The following ATP1A1 variants were observed in gnomAD, a reference collection of about 807,000 sequenced individuals.
ATP1A1 encodes ATPase Na+/K+ transporting subunit alpha 1.
In ATP1A1, 14 loss-of-function variants were observed where a neutral mutation model predicts 114.8. That is an observed-to-expected ratio of 0.12 (90% CI 0.08 to 0.19). The LOEUF (loss-of-function observed/expected upper bound fraction) is 0.19, where lower values mean the gene tolerates loss of function less well. Among genes scored for constraint, ATP1A1 ranks in the 10% least tolerant of loss-of-function variants. The pLI, the probability that ATP1A1 is intolerant of heterozygous loss-of-function variation, is 1.00. For synonymous variants in ATP1A1, 471 were observed against 466.3 expected (o/e 1.01, Z -0.13); for missense variants, 524 against 1,290.7 (o/e 0.41, Z 9.10).
At chr1:116,396,958 A>C (rs1223708826) in intron 14 of ATP1A1, among the ~76,000 whole-genome samples, 1 of 152,232 alleles carries the variant, frequency 6.6e-6, no homozygotes, top group Non-Finnish European at 1.5e-5. Context: ...AGAGCTTGAT[A>C]TGGTGACCTA....
intron 21 of ATP1A1, among the ~76,000 whole-genome samples, chr1:116,403,314 CTG>C (rs1222978627): frequency 6.6e-6 from 1 of 152,182 alleles, no homozygotes; most frequent in East Asian, 1.9e-4. Context: ...AGGCTAGAGA[CTG>C]TGTGGCTCAG....
At chr1:116,373,956 C>G in intron 1 of ATP1A1, 3 of 1,351,316 alleles carry the variant, frequency 2.2e-6, no homozygotes, top group East Asian at 2.9e-5. Context: ...CCTTCCTTTT[C>G]CCTCCGCCCT....
At chr1:116,379,467 A>G (rs1651596362) in intron 1 of ATP1A1, among the ~76,000 whole-genome samples, 1 of 152,166 alleles carries the variant, frequency 6.6e-6, no homozygotes, top group Admixed American at 6.5e-5. Flanking sequence ...AACCCCGGCC[A>G]TCCCTTAGCC....
chr1:116,382,904 T>C (rs1651836996), intron 1 of ATP1A1, among the ~76,000 whole-genome samples: 1 of 152,132 alleles, frequency 6.6e-6, no homozygotes, highest in African/African-American at 2.4e-5. Context: ...TTTAAGAAAA[T>C]TGCTAATGTC....
chr1:116,402,832 C>T (rs1653618212), intron 21 of ATP1A1, among the ~76,000 whole-genome samples: 2 of 152,168 alleles, frequency 1.3e-5, no homozygotes, highest in African/African-American at 2.4e-5. Flanking sequence ...TTACTTGTTG[C>T]TTGTCATTTC....
Position 116,398,459 on chromosome 1 carries a change from C to T in ATP1A1, c.2125-162C>T, listed in dbSNP as rs1480671347. On this transcript the variant is annotated intron_variant, in intron 15 of 22. Transcript: ENST00000295598. The surrounding 1 kb of genome is among the most constrained non-coding windows in gnomAD (Gnocchi z 6.1). ...CTCAGTTCTGTTATTTGGTGTAGGG[C>T]CTGTGTGAATACTTGCCTGTGACGG... is the stretch of plus-strand genomic sequence containing the variant. Among the ~76,000 whole-genome samples, 2 of 152,030 alleles carry T rather than the reference C, an allele frequency of 1.3e-5. No homozygotes were observed. Among genetic ancestry groups the T allele is most frequent in the African/African-American group, 4.8e-5 (2 of 41,380 alleles).
intron 1 of ATP1A1, among the ~76,000 whole-genome samples, chr1:116,377,835 C>T (rs984287961): frequency 4.6e-5 from 7 of 152,234 alleles, no homozygotes; most frequent in Non-Finnish European, 7.3e-5. Context: ...TTTCCCATCC[C>T]TGCCAGAGCT....
At position 116,389,358 on chromosome 1, in the gene ATP1A1, T is replaced by A; in HGVS notation, c.755-81T>A. On this transcript the variant is annotated intron_variant, in intron 7 of 22. Coordinates refer to ENST00000295598, the MANE Select transcript of ATP1A1 (RefSeq NM_000701.8). This position sits in a 1 kb window ranked among gnomAD's most constrained non-coding sequence, Gnocchi z 6.9. Reference sequence around the variant, plus strand: ...TCAACTCTTTTTGTTTTTTTAGTCATCCTATGTAATTGTGTAAAATCCGTG... The same window carrying A: ...TCAACTCTTTTTGTTTTTTTAGTCAACCTATGTAATTGTGTAAAATCCGTG... 1.3e-6 allele frequency: 2 copies of A among 1,546,592 alleles called. No homozygotes were observed. Among genetic ancestry groups the A allele is most frequent in the Non-Finnish European group, 1.8e-6 (2 of 1,139,812 alleles).
Position 116,381,758 on chromosome 1 carries a change from T to C in ATP1A1, c.13-2256T>C, listed in dbSNP as rs1651757271. Among the ~76,000 whole-genome samples the C allele has an allele frequency of 6.6e-6, 1 of 152,238 alleles. No homozygotes were observed. Among genetic ancestry groups the C allele is most frequent in the African/African-American group, 2.4e-5 (1 of 41,458 alleles). ...CTCTCCTCTTCTGGAGTGGAAGATA[T>C]TGGAAGTCTGAGAATAAGCAAAGCA... On this transcript the variant is annotated intron_variant, in intron 1 of 22. Transcript: ENST00000295598. This position sits in a 1 kb window ranked among gnomAD's most constrained non-coding sequence, Gnocchi z 5.1.
rs983783424 is a variant in ATP1A1, at chr1:116,373,413, G to T, written c.-99G>T. 7 of 1,296,684 alleles carry T rather than the reference G, an allele frequency of 5.4e-6. No homozygotes were observed. The highest frequency in any genetic ancestry group is 7.3e-6 in the Non-Finnish European group (7 of 961,530). The allele number at this position is 1,296,684 out of a possible 1,614,324, so 80.3% of individuals were successfully genotyped here. A position where few individuals can be genotyped will look rare whatever the true frequency, so the allele number is the denominator to read the frequency against. On this transcript the variant is annotated 5_prime_UTR_variant, in exon 1 of 23. Coordinates refer to ENST00000295598, the MANE Select transcript of ATP1A1 (RefSeq NM_000701.8). ...CGGCAGCCCTAGCTCCCTCCACTTG[G>T]CTCCCCTGGTCCCGCTCGCTCGGCC...
At position 116,393,149 on chromosome 1, in the gene ATP1A1, A is replaced by G. The variant is rs1652608856; in HGVS notation, c.1467+161A>G. On this transcript the variant is annotated intron_variant, in intron 11 of 22. Coordinates refer to ENST00000295598, the MANE Select transcript of ATP1A1 (RefSeq NM_000701.8). This position sits in a 1 kb window ranked among gnomAD's most constrained non-coding sequence, Gnocchi z 5.0. ...ATAGAATGCCATAATTTAGTTGAAT[A>G]TCAGCAGGATAAATGAAGCCTCTTG... 1 of 1,058,948 alleles carries G rather than the reference A, an allele frequency of 9.4e-7. No homozygotes were observed. The highest frequency in any genetic ancestry group is 2.9e-5 in the Admixed American group (1 of 34,620). 65.6% of individuals were successfully genotyped at this position (1,058,948 alleles called of 1,614,324 possible).
At chr1:116,396,365 C>T (rs766307979) in intron 13 of ATP1A1, among the ~76,000 whole-genome samples, 1 of 143,232 alleles carries the variant, frequency 7.0e-6, no homozygotes, top group Non-Finnish European at 1.5e-5. Flanking sequence ...ATTGTGTATG[C>T]TAGTGATTGT....
At chr1:116,396,526 G>T (rs1652947542) in intron 13 of ATP1A1, 72 bp from the exon 14 acceptor site, 1 of 1,550,434 alleles carries the variant, frequency 6.4e-7, no homozygotes, top group African/African-American at 1.4e-5. Flanking sequence ...ATTTACTCTT[G>T]CCTACTGGAT....
Position 116,373,414 on chromosome 1 carries a change from C to A in ATP1A1, c.-98C>A. On this transcript the variant is annotated 5_prime_UTR_variant, in exon 1 of 23. Transcript: ENST00000295598. The stretch of plus-strand genomic sequence containing the variant: ...GGCAGCCCTAGCTCCCTCCACTTGG[C>A]TCCCCTGGTCCCGCTCGCTCGGCCG... The A allele has an allele frequency of 1.3e-6, 1 of 758,402 alleles. No homozygotes were observed. The highest frequency in any genetic ancestry group is 2.0e-6 in the Non-Finnish European group (1 of 510,932). The allele number at this position is 758,402 out of a possible 1,614,324, so 47.0% of individuals were successfully genotyped here.
At chr1:116,403,392 A>G (rs948217665) in intron 21 of ATP1A1, among the ~76,000 whole-genome samples, 3 of 152,208 alleles carry the variant, frequency 2.0e-5, no homozygotes, top group African/African-American at 7.2e-5. Flanking sequence ...GCCTCAGAAC[A>G]CAGAGCTGAT....
intron 21 of ATP1A1, among the ~76,000 whole-genome samples, chr1:116,403,047 A>G (rs1653643297): frequency 6.6e-6 from 1 of 152,200 alleles, no homozygotes; most frequent in African/African-American, 2.4e-5. Context: ...AATTACACTG[A>G]AAAGGGGGCA....
At chr1:116,382,353 C>T (rs1651805036) in intron 1 of ATP1A1, 1 of 151,970 alleles carries the variant, frequency 6.6e-6, no homozygotes, top group Non-Finnish European at 1.5e-5. Flanking sequence ...CTGCCTTTTC[C>T]TTTTTGTTTT....
In ATP1A1 at chr1:116,388,419, T is replaced by C. The variant is rs994644903; in HGVS notation, c.501+175T>C. 1.0e-6 allele frequency: 1 copy of C among 972,640 alleles called. No homozygotes were observed. The highest frequency in any genetic ancestry group is 1.5e-6 in the Non-Finnish European group (1 of 666,162). 60.3% of individuals were successfully genotyped at this position (972,640 alleles called of 1,614,324 possible). A position where few individuals can be genotyped will look rare whatever the true frequency, so the allele number is the denominator to read the frequency against. Reference sequence around the variant, plus strand: ...TCCTTCTATCCAAAAAGTGGTAGCCTTTCTTTTGAATGTAAACTCTGAATA... The same window carrying C: ...TCCTTCTATCCAAAAAGTGGTAGCCCTTCTTTTGAATGTAAACTCTGAATA... On this transcript the variant is annotated intron_variant, in intron 5 of 22. Transcript: ENST00000295598. This position sits in a 1 kb window ranked among gnomAD's most constrained non-coding sequence, Gnocchi z 5.6.
In ATP1A1 at chr1:116,399,530, C is replaced by G. The variant is rs1386870915; in HGVS notation, c.2559C>G (p.Ala853=). The stretch of plus-strand genomic sequence containing the variant: ...TGAATGAGCGGCTGATCAGCATGGC[C>G]TATGGGCAGATTGGTAAGCTGCAGC... ...KLVNERLISM[A]YGQIGMIQAL... Residue 853 remains alanine (A), a synonymous_variant, in exon 18 of 23, where the codon GCC becomes GCG. Coordinates refer to ENST00000295598, the MANE Select transcript of ATP1A1 (RefSeq NM_000701.8). This position sits in a 1 kb window ranked among gnomAD's most constrained non-coding sequence, Gnocchi z 5.0. The G allele has an allele frequency of 6.2e-7, 1 of 1,613,986 alleles. No individual in the cohort carries two copies. The highest frequency in any genetic ancestry group is 1.3e-5 in the African/African-American group (1 of 74,888).
Sources: allele counts gnomAD v4.1 joint callset (sites outside exome capture counted in the v4.1 genomes callset), GRCh38; gene constraint gnomAD v4.1.1; non-coding constraint Gnocchi (gnomAD v3.1); transcripts MANE v1.5; gene names NCBI Gene and HGNC (gene_info 2026-07-23, HGNC 2026-07-21).